PSMB2: variants seen among roughly 807,000 people sequenced by gnomAD.
PSMB2 encodes proteasome 20S subunit beta 2, also known as proteasome subunit beta type-2.
Under a neutral mutation model 25.7 loss-of-function variants are expected in PSMB2, and 13 were observed. The observed-to-expected ratio is 0.51, with a 90% CI of 0.33 to 0.80. The LOEUF is 0.80. Among genes scored for constraint, PSMB2 ranks in the 30% least tolerant of loss-of-function variants. PSMB2 has a pLI of 0.02. For synonymous variants in PSMB2, 87 were observed against 96.2 expected, an observed-to-expected ratio of 0.90 and a Z score of 0.56; for missense variants, 202 against 259.0, an observed-to-expected ratio of 0.78 and a Z score of 1.51.
Position 35,600,783 on chromosome 1 carries a change from A to G in PSMB2, c.*2484T>C, listed in dbSNP as rs542657053. On this transcript the variant is annotated 3_prime_UTR_variant, in exon 6 of 6. Coordinates refer to ENST00000373237, the MANE Select transcript of PSMB2 (RefSeq NM_002794.5). Reference sequence around the variant, plus strand: ...GCTTGCCTGAGATTGCCCTGGGGACACTTACATTCAAAGGCAGAGAACCGT... The same window carrying G: ...GCTTGCCTGAGATTGCCCTGGGGACGCTTACATTCAAAGGCAGAGAACCGT... The G allele has an allele frequency of 2.6e-5, 26 of 985,460 alleles. No homozygotes were observed. The African/African-American group carries it at 4.5e-4, about 17-fold the overall frequency. 61.0% of individuals were successfully genotyped at this position (985,460 alleles called of 1,614,324 possible).
At chr1:35,613,364 C>A (rs1650393403) in intron 3 of PSMB2, among the ~76,000 whole-genome samples, 1 of 151,306 alleles carries the variant, frequency 6.6e-6, no homozygotes, top group African/African-American at 2.4e-5. Flanking sequence ...ATGGCAAGAC[C>A]CTGTCTCTAT....
intron 2 of PSMB2, 57 bp from the exon 3 acceptor site, chr1:35,631,401 C>A: frequency 1.2e-6 from 2 of 1,604,242 alleles, no homozygotes; most frequent in Non-Finnish European, 1.7e-6. Flanking sequence ...TAACAGTGCC[C>A]CAAATTATTC....
chr1:35,641,204 A>G, intron 1 of PSMB2, 138 bp downstream of exon 1: 6 of 1,126,130 alleles, frequency 5.3e-6, no homozygotes, highest in Non-Finnish European at 7.4e-6. Flanking sequence ...AAATAAATAA[A>G]TAAATAAAAT....
At chr1:35,626,578 C>T (rs1285800567) in intron 3 of PSMB2, among the ~76,000 whole-genome samples, 1 of 152,174 alleles carries the variant, frequency 6.6e-6, no homozygotes, top group Non-Finnish European at 1.5e-5. Context: ...TACACTTGTA[C>T]ATTAGTCCAC....
chr1:35,613,899 T>A (rs1650411841), intron 3 of PSMB2, among the ~76,000 whole-genome samples: 1 of 152,176 alleles, frequency 6.6e-6, no homozygotes, highest in African/African-American at 2.4e-5. Context: ...TGCATGTGGA[T>A]AATAAGTGTA....
intron 4 of PSMB2, among the ~76,000 whole-genome samples, chr1:35,605,570 G>A (rs1180785918): frequency 1.3e-5 from 2 of 152,254 alleles, no homozygotes; most frequent in African/African-American, 4.8e-5. Context: ...CACCTCTGAA[G>A]AAGTCCAGCA....
intron 2 of PSMB2, among the ~76,000 whole-genome samples, chr1:35,632,648 C>T (rs1651136256): frequency 1.3e-5 from 2 of 152,116 alleles, no homozygotes; most frequent in South Asian, 4.1e-4. Context: ...AATCACAGCA[C>T]TTTGGGAAGC....
intron 2 of PSMB2, 188 bp from the exon 3 acceptor site, chr1:35,631,532 AG>A (rs1651097212): frequency 7.2e-7 from 1 of 1,396,840 alleles, no homozygotes; most frequent in African/African-American, 1.5e-5. Flanking sequence ...ATAGCTGGTT[AG>A]TACTGACAGC....
At chr1:35,628,451 T>C (rs888612743) in intron 3 of PSMB2, among the ~76,000 whole-genome samples, 2 of 150,978 alleles carry the variant, frequency 1.3e-5, no homozygotes, top group Non-Finnish European at 2.9e-5. Context: ...ACATCGTACA[T>C]GGCAAGTCAT....
chr1:35,603,429 C>A, intron 5 of PSMB2, 55 bp from the exon 6 acceptor site: 1 of 1,593,316 alleles, frequency 6.3e-7, no homozygotes, highest in Non-Finnish European at 8.6e-7. Flanking sequence ...GTTCTATGTG[C>A]CAGGCTCTGT....
In PSMB2 at chr1:35,615,234, G is replaced by A. The variant is rs78100971; in HGVS notation, c.286-5826C>T. ...CTAAAAGATCAAATTTAAGAAGACAGGGGAATTGGCTGATAAGCACATCTC... is the reference window on the plus strand; with the variant it reads ...CTAAAAGATCAAATTTAAGAAGACAAGGGAATTGGCTGATAAGCACATCTC... On this transcript the variant is annotated intron_variant, in intron 3 of 5. Coordinates refer to ENST00000373237, the MANE Select transcript of PSMB2 (RefSeq NM_002794.5). 1.7e-3 allele frequency among the ~76,000 whole-genome samples: 265 copies of A among 152,334 alleles called. 1 individual carries two copies. Among genetic ancestry groups the A allele is most frequent in the East Asian group, 7.5e-3 (39 of 5,186 alleles).
chr1:35,605,741 G>A (rs1333957820), intron 4 of PSMB2, among the ~76,000 whole-genome samples: 1 of 152,234 alleles, frequency 6.6e-6, no homozygotes, highest in Non-Finnish European at 1.5e-5. Flanking sequence ...ACAATGGGAA[G>A]AGAATTCATA....
At chr1:35,621,142 T>C (rs946791204) in intron 3 of PSMB2, among the ~76,000 whole-genome samples, 1 of 152,334 alleles carries the variant, frequency 6.6e-6, no homozygotes, top group East Asian at 1.9e-4. Flanking sequence ...AACAAATCAC[T>C]GTGCCTAACC....
intron 5 of PSMB2, among the ~76,000 whole-genome samples, chr1:35,603,756 G>A (rs1476323971): frequency 1.3e-5 from 2 of 152,176 alleles, no homozygotes; most frequent in Non-Finnish European, 2.9e-5. Context: ...ATTGTCCTCA[G>A]AACGAAGCAG....
chr1:35,606,019 C>T (rs748899319), intron 4 of PSMB2, among the ~76,000 whole-genome samples: 4 of 152,126 alleles, frequency 2.6e-5, no homozygotes, highest in South Asian at 2.1e-4. Context: ...CAGATTCTTA[C>T]GATACTGACA....
At chr1:35,604,066 G>A (rs1448354174) in intron 5 of PSMB2, among the ~76,000 whole-genome samples, 2 of 150,266 alleles carry the variant, frequency 1.3e-5, no homozygotes, top group Admixed American at 6.6e-5. Context: ...GGTGGGCACT[G>A]TGGACTGAAA....
intron 1 of PSMB2, among the ~76,000 whole-genome samples, chr1:35,640,444 C>A (rs1334872370): frequency 6.6e-6 from 1 of 152,190 alleles, no homozygotes; most frequent in Admixed American, 6.5e-5. Flanking sequence ...GACAGGGCTC[C>A]AATCTCTTAA....
chr1:35,604,072 T>G (rs1331802639), intron 5 of PSMB2, among the ~76,000 whole-genome samples: 2 of 150,448 alleles, frequency 1.3e-5, no homozygotes, highest in Non-Finnish European at 3.0e-5. Flanking sequence ...CACTGTGGAC[T>G]GAAAACAAAA....
Position 35,602,780 on chromosome 1 carries a change from G to T in PSMB2, c.*487C>A. 1 of 574,074 alleles carries T rather than the reference G, an allele frequency of 1.7e-6. No individual in the cohort carries two copies. The highest frequency in any genetic ancestry group is 2.2e-6 in the Non-Finnish European group (1 of 453,762). The allele number at this position is 574,074 out of a possible 1,614,324, so 35.6% of individuals were successfully genotyped here. A position where few individuals can be genotyped will look rare whatever the true frequency, so the allele number is the denominator to read the frequency against. Reference sequence around the variant, plus strand: ...CAAAGTGCTGGGATTACAGGTATGAGCCACCACACCCAGCTCTGGAAGAAA... The same window carrying T: ...CAAAGTGCTGGGATTACAGGTATGATCCACCACACCCAGCTCTGGAAGAAA... On this transcript the variant is annotated 3_prime_UTR_variant, in exon 6 of 6. Transcript: ENST00000373237.
Sources: gnomAD v4.1 joint callset for allele counts (sites outside exome capture counted in the v4.1 genomes callset) on GRCh38, gnomAD v4.1.1 for gene constraint, MANE v1.5 for transcripts, NCBI Gene and HGNC (gene_info 2026-07-23, HGNC 2026-07-21) for gene names.